The following DCC variants were observed in gnomAD, a reference collection of about 807,000 sequenced individuals.
The protein encoded by DCC is netrin receptor DCC.
In DCC, 58 loss-of-function variants were observed where a neutral mutation model predicts 172.5. The ratio of observed to expected loss-of-function variants is 0.34; its 90% CI spans 0.27 to 0.42. The LOEUF is 0.42. Among genes scored for constraint, DCC ranks in the 10% least tolerant of loss-of-function variants. The pLI is 1.00. For synonymous variants in DCC, 709 were observed against 644.5 expected (o/e 1.10, Z -1.52); for missense variants, 1,740 against 1,791.0 (o/e 0.97, Z 0.51).
At chr18:53,075,770 A>G (rs1332921896) in intron 7 of DCC, among the ~76,000 whole-genome samples, 1 of 152,170 alleles carries the variant, frequency 6.6e-6, no homozygotes, top group African/African-American at 2.4e-5. Flanking sequence ...AAAGAGATAT[A>G]TATTCCTTTT....
At chr18:52,774,696 G>T (rs2145172469) in intron 2 of DCC, among the ~76,000 whole-genome samples, 1 of 152,162 alleles carries the variant, frequency 6.6e-6, no homozygotes, top group Non-Finnish European at 1.5e-5. Context: ...TCGGGTCCTG[G>T]TTACTGCCTG....
intron 2 of DCC, among the ~76,000 whole-genome samples, chr18:52,862,543 C>A (rs919050612): frequency 1.3e-5 from 2 of 151,746 alleles, no homozygotes; most frequent in Non-Finnish European, 2.9e-5. Flanking sequence ...ACTAAAAATA[C>A]AAAAATTAGC....
In DCC at chr18:52,791,449, C is replaced by T. The variant is rs185623422; in HGVS notation, c.412+39075C>T. 3.3e-3 allele frequency among the ~76,000 whole-genome samples: 501 copies of T among 151,792 alleles called. 1 individual carries two copies. The highest frequency in any genetic ancestry group is 5.3e-3 in the Non-Finnish European group (363 of 67,904). ...TGGAAAGGAAGACAGTGGAGGCGTT[C>T]CCCCTGCTGTTTTTTGTGTTTTGTT... is the stretch of plus-strand genomic sequence containing the variant. On this transcript the variant is annotated intron_variant, in intron 2 of 28. Transcript: ENST00000442544.
chr18:52,606,473 A>G (rs991209382), intron 1 of DCC, among the ~76,000 whole-genome samples: 1 of 152,194 alleles, frequency 6.6e-6, no homozygotes, highest in African/African-American at 2.4e-5. Context: ...ACACATAAAC[A>G]TACGTGATCA....
At chr18:53,312,340 C>CAAAA (rs1218591102) in intron 13 of DCC, among the ~76,000 whole-genome samples, 1 of 17,532 alleles carries the variant, frequency 5.7e-5, no homozygotes, top group African/African-American at 1.5e-4. Flanking sequence ...GACTCTGTCT[C>CAAAA]AAAAAAAAAA....
intron 2 of DCC, among the ~76,000 whole-genome samples, chr18:52,800,446 T>G (rs2037963116): frequency 1.3e-5 from 2 of 152,234 alleles, no homozygotes; most frequent in Non-Finnish European, 2.9e-5. Flanking sequence ...GAGCAGCATC[T>G]TATCTTTCAA....
At position 52,811,204 on chromosome 18, in the gene DCC, T is replaced by C. The variant is rs182194149; in HGVS notation, c.412+58830T>C. ...ACACAGGTACATGCAAACTGGCAAATTGTCATTATCGTCTTTCACAGGTTT... is the reference window on the plus strand; with the variant it reads ...ACACAGGTACATGCAAACTGGCAAACTGTCATTATCGTCTTTCACAGGTTT... On this transcript the variant is annotated intron_variant, in intron 2 of 28. Coordinates refer to ENST00000442544, the MANE Select transcript of DCC (RefSeq NM_005215.4). Among the ~76,000 whole-genome samples, 332 of 152,310 alleles carry C rather than the reference T, an allele frequency of 2.2e-3. 1 individual carries two copies. Among genetic ancestry groups the C allele is most frequent in the African/African-American group, 6.4e-3 (267 of 41,556 alleles).
intron 7 of DCC, among the ~76,000 whole-genome samples, chr18:53,108,211 T>C (rs188757418): frequency 8.6e-5 from 13 of 151,724 alleles, no homozygotes; most frequent in Admixed American, 3.3e-4. Flanking sequence ...GGCAGCTCCA[T>C]CAATTCTCAC....
intron 12 of DCC, among the ~76,000 whole-genome samples, chr18:53,250,791 T>C (rs1159645471): frequency 6.6e-6 from 1 of 151,892 alleles, no homozygotes; most frequent in African/African-American, 2.4e-5. Flanking sequence ...CTTTCCTTCA[T>C]AGCAATATTT....
intron 13 of DCC, among the ~76,000 whole-genome samples, chr18:53,307,233 A>C (rs2057211172): frequency 6.6e-6 from 1 of 152,220 alleles, no homozygotes; most frequent in South Asian, 2.1e-4. Flanking sequence ...GAATGGTTGA[A>C]TCTAACGGAA....
intron 1 of DCC, among the ~76,000 whole-genome samples, chr18:52,714,942 G>A (rs2036353934): frequency 1.3e-5 from 2 of 152,170 alleles, no homozygotes; most frequent in Admixed American, 1.3e-4. Flanking sequence ...TCTCCAAGGA[G>A]TATGTATCTT....
chr18:53,261,152 G>C (rs919178605), intron 12 of DCC, among the ~76,000 whole-genome samples: 48 of 152,106 alleles, frequency 3.2e-4, no homozygotes, highest in Non-Finnish European at 1.2e-4. Context: ...TGCACTTCCC[G>C]GGTGAGGTGA....
chr18:52,823,014 C>T (rs901116747), intron 2 of DCC, among the ~76,000 whole-genome samples: 1 of 152,080 alleles, frequency 6.6e-6, no homozygotes, highest in Admixed American at 6.6e-5. Context: ...GGGTCTGTGT[C>T]CCATGAAAAC....
At chr18:53,438,272 G>A (rs189531286) in intron 22 of DCC, among the ~76,000 whole-genome samples, 42 of 152,174 alleles carry the variant, frequency 2.8e-4, no homozygotes, top group Non-Finnish European at 4.7e-4. Flanking sequence ...ATGAGAGAGA[G>A]AAATTAACCT....
intron 26 of DCC, among the ~76,000 whole-genome samples, chr18:53,497,371 T>C (rs757237614): frequency 1.5e-4 from 23 of 152,152 alleles, no homozygotes; most frequent in Non-Finnish European, 2.5e-4. Context: ...AATCTAACAT[T>C]TCACAAGCAT....
intron 21 of DCC, among the ~76,000 whole-genome samples, chr18:53,425,308 T>A (rs1371352805): frequency 1.3e-5 from 2 of 150,398 alleles, no homozygotes; most frequent in African/African-American, 2.4e-5. Context: ...CAAGACCAAC[T>A]CTTTGAAGTG....
intron 12 of DCC, among the ~76,000 whole-genome samples, chr18:53,231,839 A>C (rs1266406325): frequency 6.6e-6 from 1 of 152,102 alleles, no homozygotes; most frequent in East Asian, 1.9e-4. Context: ...ATCACCAAAA[A>C]TGTATCTTTA....
chr18:52,838,356 T>C (rs73956072), intron 2 of DCC, among the ~76,000 whole-genome samples: 7,770 of 152,210 alleles, frequency 0.051, 677 homozygotes, highest in African/African-American at 0.18. Flanking sequence ...ATACTGAACA[T>C]ATTTGAATCA....
At chr18:53,039,854 A>G (rs1240737436) in intron 5 of DCC, among the ~76,000 whole-genome samples, 1 of 151,982 alleles carries the variant, frequency 6.6e-6, no homozygotes, top group Non-Finnish European at 1.5e-5. Flanking sequence ...TGATCACACC[A>G]TATAGGTATT....
Sources: allele counts gnomAD v4.1 joint callset (sites outside exome capture counted in the v4.1 genomes callset), GRCh38; gene constraint gnomAD v4.1.1; transcripts MANE v1.5; gene names NCBI Gene and HGNC (gene_info 2026-07-23, HGNC 2026-07-21).